PLXDC1: variants seen among roughly 807,000 people sequenced by gnomAD.
PLXDC1 encodes plexin domain containing 1, also known as plexin domain-containing protein 1.
A neutral mutation model predicts 61.3 loss-of-function variants in PLXDC1; 39 were observed. The observed-to-expected ratio is 0.64, with a 90% CI of 0.49 to 0.83. The LOEUF is 0.83. Among genes scored for constraint, PLXDC1 ranks in the 40% least tolerant of loss-of-function variants. The pLI, the probability that PLXDC1 is intolerant of heterozygous loss-of-function variation, is 0.00. For missense variants in PLXDC1, 596 were observed against 666.5 expected (o/e 0.89, Z 1.17); for synonymous variants, 212 against 254.5 (o/e 0.83, Z 1.59).
chr17:39,134,174 A>G (rs1911656716), intron 2 of PLXDC1, among the ~76,000 whole-genome samples: 1 of 151,818 alleles, frequency 6.6e-6, no homozygotes, highest in Admixed American at 6.6e-5. Context: ...GAATGGTGTG[A>G]ACCTGGGAGG....
intron 11 of PLXDC1, 66 bp downstream of exon 11, chr17:39,077,847 C>T: frequency 1.3e-6 from 2 of 1,569,878 alleles, no homozygotes; most frequent in African/African-American, 1.3e-5. Context: ...GAGAGGGGGC[C>T]CCAGAGGGGT....
chr17:39,070,348 G>A (rs1014842827), intron 12 of PLXDC1: 2 of 198,722 alleles, frequency 1.0e-5, no homozygotes, highest in East Asian at 1.2e-4. Context: ...AAGAGTTTGG[G>A]ATCTGAAATC....
intron 2 of PLXDC1, among the ~76,000 whole-genome samples, chr17:39,138,827 C>T (rs1310624360): frequency 6.6e-6 from 1 of 151,592 alleles, no homozygotes; most frequent in Non-Finnish European, 1.5e-5. Flanking sequence ...TTCTTGCGTC[C>T]TAAGAATCCA....
At chr17:39,083,317 T>G (rs1909627974) in intron 9 of PLXDC1, 142 bp downstream of exon 9, 7 of 698,882 alleles carry the variant, frequency 1.0e-5, no homozygotes, top group Admixed American at 8.4e-5. Context: ...GCCATGTTCT[T>G]GTCCCAAGAG....
intron 11 of PLXDC1, among the ~76,000 whole-genome samples, chr17:39,076,894 C>G (rs914565658): frequency 2.6e-5 from 4 of 152,152 alleles, no homozygotes; most frequent in African/African-American, 7.2e-5. Context: ...CACGACCATG[C>G]CCAGCTAATT....
intron 2 of PLXDC1, among the ~76,000 whole-genome samples, chr17:39,132,356 A>G (rs934844813): frequency 9.2e-5 from 14 of 151,726 alleles, no homozygotes; most frequent in Admixed American, 7.2e-4. Flanking sequence ...ACTCAGCACT[A>G]TGGCTTCCCC....
In PLXDC1 at chr17:39,102,593, T is replaced by C. The variant is rs374926951; in HGVS notation, c.811+3261A>G. On this transcript the variant is annotated intron_variant, in intron 7 of 13. Coordinates refer to ENST00000315392, the MANE Select transcript of PLXDC1 (RefSeq NM_020405.5). ...TAAGGTCCATCCATGGAATGGACTA[T>C]CAGGCAGCCATTAAAGAGAAGAATG... 1.2e-4 allele frequency among the ~76,000 whole-genome samples: 19 copies of C among 152,240 alleles called. No individual in the cohort carries two copies. In the East Asian group the frequency reaches 1.7e-3, roughly 14 times the overall value.
Position 39,118,934 on chromosome 17 carries a change from GA to G in PLXDC1, c.256-9544del, listed in dbSNP as rs201671782. 6.1e-3 allele frequency among the ~76,000 whole-genome samples: 924 copies of G among 152,060 alleles called. 5 individuals are homozygous for G. Among genetic ancestry groups the G allele is most frequent in the African/African-American group, 0.014 (587 of 41,522 alleles). ...ATGAACAGAGTCTGTGAGAAAAAAA[GA>G]AAAAAAGGAACCGAAACCATCCTGA... On this transcript the variant is annotated intron_variant, in intron 2 of 13. Transcript: ENST00000315392.
chr17:39,104,947 C>T (rs1414056134), intron 7 of PLXDC1, among the ~76,000 whole-genome samples: 9 of 152,192 alleles, frequency 5.9e-5, no homozygotes, highest in East Asian at 1.9e-4. Context: ...ATGCCTCCCC[C>T]GGGAAGCCCT....
chr17:39,108,885 C>A lies in PLXDC1; in HGVS notation c.469+19G>T. Reference sequence around the variant, plus strand: ...TGAGGTCTCCAGACTCTCCCCGGGGCCCCACGACGTGGCCTTACCTCCAGT... The same window carrying A: ...TGAGGTCTCCAGACTCTCCCCGGGGACCCACGACGTGGCCTTACCTCCAGT... On this transcript the variant is annotated intron_variant, in intron 4 of 13. Transcript: ENST00000315392. 1 of 1,597,006 alleles carries A rather than the reference C, an allele frequency of 6.3e-7. No individual in the cohort carries two copies. Among genetic ancestry groups the A allele is most frequent in the Non-Finnish European group, 8.6e-7 (1 of 1,165,702 alleles).
At chr17:39,120,915 G>A (rs972934282) in intron 2 of PLXDC1, among the ~76,000 whole-genome samples, 6 of 151,950 alleles carry the variant, frequency 3.9e-5, no homozygotes, top group African/African-American at 1.2e-4. Flanking sequence ...GCGCCATCAC[G>A]CGCAGCTAAT....
intron 1 of PLXDC1, among the ~76,000 whole-genome samples, chr17:39,144,078 C>A (rs1290050093): frequency 6.6e-6 from 1 of 152,134 alleles, no homozygotes; most frequent in Non-Finnish European, 1.5e-5. Flanking sequence ...TCAGGATTCA[C>A]AAACCTGGAG....
intron 1 of PLXDC1, 102 bp from the exon 2 acceptor site, chr17:39,139,934 T>C: frequency 1.7e-6 from 2 of 1,170,036 alleles, no homozygotes; most frequent in South Asian, 1.6e-5. Context: ...ACCATGCCAC[T>C]GTAGAATTTG....
chr17:39,102,713 C>CACACAT (rs1222335505), intron 7 of PLXDC1, among the ~76,000 whole-genome samples: 3 of 120,744 alleles, frequency 2.5e-5, no homozygotes, highest in Admixed American at 1.5e-4. Flanking sequence ...AATACACACA[C>CACACAT]ACACACACAC....
chr17:39,078,085 T>G (rs1909412189), intron 10 of PLXDC1, 37 bp from the exon 11 acceptor site: 1 of 1,526,094 alleles, frequency 6.6e-7, no homozygotes, highest in Admixed American at 2.1e-5. Context: ...TTGAATGCAT[T>G]TACACCTTTC....
upstream of PLXDC1, chr17:39,152,762 A>T (rs2045382520): frequency 1.1e-6 from 1 of 951,192 alleles, no homozygotes; most frequent in Non-Finnish European, 1.4e-6. Context: ...ATTCCGTGGC[A>T]CTGAGGTTAA....
intron 7 of PLXDC1, among the ~76,000 whole-genome samples, chr17:39,100,622 T>A (rs1048307540): frequency 1.3e-5 from 2 of 152,264 alleles, no homozygotes; most frequent in Non-Finnish European, 2.9e-5. Context: ...AATTGTGCTT[T>A]GCTTCCTGAT....
chr17:39,102,481 G>A (rs180865138), intron 7 of PLXDC1, among the ~76,000 whole-genome samples: 2 of 151,738 alleles, frequency 1.3e-5, no homozygotes, highest in East Asian at 1.9e-4. Flanking sequence ...ATACTCACAC[G>A]GGGGCATGAA....
rs1264816904 is a variant in PLXDC1 at position 39,108,819 on chromosome 17, T to C, written c.469+85A>G. The stretch of plus-strand genomic sequence containing the variant: ...CTTCCTCCCATTTCATATAACCCTG[T>C]CTCCAGTGAGCCACCCCTGGGAGGG... On this transcript the variant is annotated intron_variant, in intron 4 of 13. Coordinates refer to ENST00000315392, the MANE Select transcript of PLXDC1 (RefSeq NM_020405.5). 7.1e-6 allele frequency: 6 copies of C among 850,004 alleles called. No individual in the cohort carries two copies. The African/African-American group carries it at 8.2e-5, about 12-fold the overall frequency. 52.7% of individuals were successfully genotyped at this position (850,004 alleles called of 1,614,324 possible).
Sources: allele counts gnomAD v4.1 joint callset (sites outside exome capture counted in the v4.1 genomes callset), GRCh38; gene constraint gnomAD v4.1.1; transcripts MANE v1.5; gene names NCBI Gene and HGNC (gene_info 2026-07-23, HGNC 2026-07-21).